TJP2: variants seen among roughly 807,000 people sequenced by gnomAD.
The protein encoded by TJP2 is tight junction protein 2.
In TJP2, 91 loss-of-function variants were observed where a neutral mutation model predicts 133.1. That is an observed-to-expected ratio of 0.68 (90% CI 0.58 to 0.81). The LOEUF (loss-of-function observed/expected upper bound fraction) is 0.81. TJP2 is among the 40% of genes least tolerant of loss of function. The probability of loss-of-function intolerance (pLI) is 0.00; values close to 1 mark genes in which losing one functional copy is unlikely to be tolerated. For synonymous variants in TJP2, 592 were observed against 583.4 expected (o/e 1.01, Z -0.21); for missense variants, 1,541 against 1,565.6 (o/e 0.98, Z 0.26).
chr9:69,128,150 C>G lies in TJP2; in HGVS notation c.-131+6425C>G, dbSNP rs1564365170. 2.6e-5 allele frequency among the ~76,000 whole-genome samples: 2 copies of G among 77,052 alleles called. 1 individual carries two copies. Among genetic ancestry groups the G allele is most frequent in the African/African-American group, 7.9e-5 (2 of 25,192 alleles). The allele number at this position is 77,052 out of a possible 152,430, so 50.5% of individuals were successfully genotyped here. ...TGTCATAGTTTGCTTATCCATTCAT[C>G]CATTATGGGCATCTGGATTGTTTCT... On this transcript the variant is annotated intron_variant, in intron 1 of 5. Transcript: ENST00000423935.
chr9:69,125,303 A>AT (rs759954506), intron 1 of TJP2, among the ~76,000 whole-genome samples: 2,353 of 43,814 alleles, frequency 0.054, 713 homozygotes, highest in African/African-American at 0.11. Flanking sequence ...ACCCTGAGTG[A>AT]TTTTTTTTTT....
intron 1 of TJP2, among the ~76,000 whole-genome samples, chr9:69,187,899 G>GT (rs879578388): frequency 2.0e-5 from 3 of 152,190 alleles, no homozygotes; most frequent in Non-Finnish European, 4.4e-5. Flanking sequence ...CACTGGGGGT[G>GT]TATTCTCTCC....
chr9:69,195,029 G>A (rs746513549), intron 1 of TJP2, among the ~76,000 whole-genome samples: 7 of 152,214 alleles, frequency 4.6e-5, no homozygotes, highest in Non-Finnish European at 1.0e-4. Context: ...GGTGCCCCAG[G>A]TCTGGGAGGG....
chr9:69,213,825 T>C (rs537155087), intron 2 of TJP2, among the ~76,000 whole-genome samples: 1 of 152,190 alleles, frequency 6.6e-6, no homozygotes, highest in Non-Finnish European at 1.5e-5. Flanking sequence ...GCATAGAGGA[T>C]GGAGCTGCCT....
intron 17 of TJP2, among the ~76,000 whole-genome samples, chr9:69,242,049 G>A (rs1021755735): frequency 6.6e-6 from 1 of 152,320 alleles, no homozygotes; most frequent in Admixed American, 6.5e-5. Context: ...TGGGATTCAC[G>A]TGAGGATGTA....
intron 9 of TJP2, 44 bp downstream of exon 9, chr9:69,228,158 G>C: frequency 6.4e-7 from 1 of 1,567,990 alleles, no homozygotes; most frequent in Non-Finnish European, 8.6e-7. Context: ...GTGTTCAGAA[G>C]TGTGTGCTCA....
At chr9:69,168,098 ATG>A (rs1824459496) in intron 2 of TJP2, among the ~76,000 whole-genome samples, 1 of 152,198 alleles carries the variant, frequency 6.6e-6, no homozygotes, top group Non-Finnish European at 1.5e-5. Flanking sequence ...AAAATTACTT[ATG>A]AGTGATCCAC....
At chr9:69,174,920 T>C (rs1381709949) in intron 1 of TJP2, among the ~76,000 whole-genome samples, 2 of 151,946 alleles carry the variant, frequency 1.3e-5, no homozygotes, top group Non-Finnish European at 2.9e-5. Context: ...TTTTTTTTTT[T>C]TTTTTTTTCC....
rs1437941689 is a variant in TJP2, at chr9:69,221,328, G to A, written c.784G>A (p.Glu262Lys). 18 of 1,598,718 alleles carry A rather than the reference G, an allele frequency of 1.1e-5. No individual in the cohort carries two copies. The East Asian group carries it at 3.9e-4, about 34-fold the overall frequency. ...AYHRAYDPDY[E>K]RAYSPEYRRG... ...TCACCGGGCCTACGACCCAGACTAC[G>A]AGCGGGCCTACAGCCCGGAGTACAG... Residue 262 changes from glutamate (E) to lysine (K), a missense_variant, in exon 5 of 23, where the codon GAG becomes AAG. Glu to Lys is a moderately conservative substitution (Grantham distance 56). Coordinates refer to ENST00000377245, the MANE Select transcript of TJP2 (RefSeq NM_004817.4).
intron 22 of TJP2, chr9:69,253,234 G>C: frequency 2.9e-6 from 1 of 343,138 alleles, no homozygotes; most frequent in South Asian, 3.3e-5. Flanking sequence ...TGTCTTGTTT[G>C]CTGACTCTCA....
intron 11 of TJP2, among the ~76,000 whole-genome samples, chr9:69,233,919 C>T (rs1044839652): frequency 2.6e-5 from 4 of 152,150 alleles, no homozygotes; most frequent in Non-Finnish European, 4.4e-5. Flanking sequence ...ATGTTAAACA[C>T]TTTTAGGTGA....
Position 69,248,180 on chromosome 9 carries a change from G to A in TJP2, c.2836G>A (p.Val946Met), listed in dbSNP as rs1488916083. 1 of 1,612,992 alleles carries A rather than the reference G, an allele frequency of 6.2e-7. No homozygotes were observed. Among genetic ancestry groups the A allele is most frequent in the Admixed American group, 1.7e-5 (1 of 59,744 alleles). ...ELDEPAEEPLVSSITRSSEPV... is the reference protein window; with the variant it reads ...ELDEPAEEPLMSSITRSSEPV... ...GGATGAGCCAGCCGAGGAGCCGCTG[G>A]TGTCGTCCATCACCCGCTCCTCGGA... Residue 946 changes from valine (V) to methionine (M), a missense_variant, in exon 19 of 23, where the codon GTG becomes ATG. By Grantham distance (21) the Val-to-Met change is conservative. Coordinates refer to ENST00000377245, the MANE Select transcript of TJP2 (RefSeq NM_004817.4).
intron 1 of TJP2, among the ~76,000 whole-genome samples, chr9:69,199,095 T>A (rs2133109933): frequency 6.6e-6 from 1 of 152,332 alleles, no homozygotes; most frequent in South Asian, 2.1e-4. Context: ...AAAACCAATT[T>A]CCTGGGGGCA....
chr9:69,141,799 G>C (rs955387984), intron 1 of TJP2, among the ~76,000 whole-genome samples: 19 of 152,132 alleles, frequency 1.2e-4, no homozygotes, highest in Admixed American at 6.6e-5. Context: ...ATGTTGGCCA[G>C]GCAGGTCTTG....
chr9:69,228,427 A>G (rs962465129), intron 9 of TJP2, among the ~76,000 whole-genome samples: 3 of 152,226 alleles, frequency 2.0e-5, no homozygotes, highest in African/African-American at 7.2e-5. Flanking sequence ...CACCTTGGTG[A>G]CAGGATCAGT....
At chr9:69,142,168 A>T (rs1403354261) in intron 1 of TJP2, among the ~76,000 whole-genome samples, 1 of 152,250 alleles carries the variant, frequency 6.6e-6, no homozygotes, top group Non-Finnish European at 1.5e-5. Context: ...GGCGCTGGGC[A>T]CATGGGTTAT....
chr9:69,193,954 G>T (rs1826377807), intron 1 of TJP2, among the ~76,000 whole-genome samples: 2 of 152,096 alleles, frequency 1.3e-5, no homozygotes, highest in South Asian at 4.1e-4. Flanking sequence ...AACACATTCA[G>T]TTATTACGTT....
chr9:69,235,933 A>G (rs2133381681), intron 12 of TJP2, 95 bp from the exon 13 acceptor site: 1 of 1,166,082 alleles, frequency 8.6e-7, no homozygotes, highest in East Asian at 2.4e-5. Flanking sequence ...GAAGGAAGGT[A>G]AAGGGGAGAT....
At chr9:69,216,983 T>A (rs1828433105) in intron 3 of TJP2, among the ~76,000 whole-genome samples, 1 of 85,512 alleles carries the variant, frequency 1.2e-5, no homozygotes, top group Non-Finnish European at 2.2e-5. Flanking sequence ...ATAAATTTTT[T>A]CTTTTCTTTT....
Sources: allele counts gnomAD v4.1 joint callset (sites outside exome capture counted in the v4.1 genomes callset), GRCh38; gene constraint gnomAD v4.1.1; transcripts MANE v1.5; gene names NCBI Gene and HGNC (gene_info 2026-07-23, HGNC 2026-07-21).